Variants in GAS2 observed in about 807,000 individuals in gnomAD.
The protein encoded by GAS2 is growth arrest specific 2, also known as growth arrest-specific protein 2.
A neutral mutation model predicts 37.5 loss-of-function variants in GAS2; 20 were observed. That is an observed-to-expected ratio of 0.53 (90% CI 0.37 to 0.77). GAS2 has a LOEUF of 0.77. Ranked by LOEUF, GAS2 falls within the 30% of genes least tolerant of loss-of-function variation. GAS2 has a pLI of 0.00. For missense variants in GAS2, 336 were observed against 373.4 expected, an observed-to-expected ratio of 0.90 and a Z score of 0.82; for synonymous variants, 144 against 132.2, an observed-to-expected ratio of 1.09 and a Z score of -0.61.
At chr11:22,650,189 C>A (rs1300938602) in intron 1 of GAS2, among the ~76,000 whole-genome samples, 11 of 151,566 alleles carry the variant, frequency 7.3e-5, no homozygotes, top group Middle Eastern at 3.4e-3. Context: ...AGTAGTCATT[C>A]AGGAGCAGGT....
At chr11:22,644,156 T>G (rs1312895589) in intron 1 of GAS2, among the ~76,000 whole-genome samples, 3 of 152,178 alleles carry the variant, frequency 2.0e-5, no homozygotes, top group Admixed American at 2.0e-4. Flanking sequence ...ACTCTTTCAC[T>G]AAGTAGCAAT....
chr11:22,736,479 C>A (rs774305233), intron 4 of GAS2, among the ~76,000 whole-genome samples: 1 of 151,832 alleles, frequency 6.6e-6, no homozygotes, highest in African/African-American at 2.4e-5. Flanking sequence ...ACTTTATAAC[C>A]AAATAATAAT....
At chr11:22,655,045 C>T (rs1165532264) in intron 1 of GAS2, among the ~76,000 whole-genome samples, 1 of 152,160 alleles carries the variant, frequency 6.6e-6, no homozygotes, top group Non-Finnish European at 1.5e-5. Flanking sequence ...TCAAAACCAC[C>T]TTAAACCTGA....
At chr11:22,644,749 G>C (rs1848669487) in intron 1 of GAS2, among the ~76,000 whole-genome samples, 1 of 152,066 alleles carries the variant, frequency 6.6e-6, no homozygotes, top group South Asian at 2.1e-4. Context: ...ATCCTGCCAA[G>C]TATCTGGGAC....
At chr11:22,700,303 C>T (rs528859606) in intron 3 of GAS2, among the ~76,000 whole-genome samples, 4 of 152,196 alleles carry the variant, frequency 2.6e-5, no homozygotes, top group South Asian at 2.1e-4. Flanking sequence ...TACTGTTATC[C>T]GTGGGTTTTA....
intron 3 of GAS2, among the ~76,000 whole-genome samples, chr11:22,706,023 A>G (rs1851099604): frequency 6.6e-6 from 1 of 152,232 alleles, no homozygotes; most frequent in South Asian, 2.1e-4. Flanking sequence ...AGTAAAGGAA[A>G]GCAAGTATGT....
At chr11:22,691,715 G>T (rs1164889033) in intron 3 of GAS2, among the ~76,000 whole-genome samples, 1 of 152,136 alleles carries the variant, frequency 6.6e-6, no homozygotes, top group African/African-American at 2.4e-5. Context: ...GTATGTTGCT[G>T]CCTGAGACTA....
At chr11:22,770,552 A>C (rs1487856612) in intron 7 of GAS2, among the ~76,000 whole-genome samples, 1 of 152,232 alleles carries the variant, frequency 6.6e-6, no homozygotes, top group East Asian at 1.9e-4. Context: ...TTTCTCTTGT[A>C]GAATTGAGAC....
At chr11:22,665,792 C>T (rs544355620), upstream of GAS2, among the ~76,000 whole-genome samples, 3 of 152,228 alleles carry the variant, frequency 2.0e-5, no homozygotes, top group South Asian at 6.2e-4. Flanking sequence ...CTAAAATCAT[C>T]CACATCATTT....
chr11:22,663,706 A>G (rs531690400), upstream of GAS2, among the ~76,000 whole-genome samples: 181 of 152,264 alleles, frequency 1.2e-3, no homozygotes, highest in Non-Finnish European at 2.1e-3. Context: ...TCTTTGATTT[A>G]TCCTTGTAGT....
At chr11:22,707,956 G>T (rs1851205721) in intron 3 of GAS2, among the ~76,000 whole-genome samples, 1 of 152,134 alleles carries the variant, frequency 6.6e-6, no homozygotes, top group Non-Finnish European at 1.5e-5. Flanking sequence ...GAAGATCGTT[G>T]GGTAAAGTTT....
intron 7 of GAS2, among the ~76,000 whole-genome samples, chr11:22,761,870 A>G (rs1854412226): frequency 6.6e-6 from 1 of 152,114 alleles, no homozygotes; most frequent in Non-Finnish European, 1.5e-5. Context: ...CTAAATTTAC[A>G]CTTTTTACCA....
intron 2 of GAS2, among the ~76,000 whole-genome samples, chr11:22,685,232 G>T (rs1411117685): frequency 6.6e-6 from 1 of 152,134 alleles, no homozygotes; most frequent in Non-Finnish European, 1.5e-5. Flanking sequence ...AAAAATACTT[G>T]TCCTGCATTA....
chr11:22,807,748 G>A (rs1206868854), intron 7 of GAS2, among the ~76,000 whole-genome samples: 1 of 152,110 alleles, frequency 6.6e-6, no homozygotes, highest in Non-Finnish European at 1.5e-5. Flanking sequence ...TAAAATTAGG[G>A]GTTTATATAG....
intron 7 of GAS2, among the ~76,000 whole-genome samples, chr11:22,759,336 A>G (rs1854241717): frequency 6.6e-6 from 1 of 152,210 alleles, no homozygotes; most frequent in Non-Finnish European, 1.5e-5. Context: ...ACTTTTGTAG[A>G]CAGGCTTGTT....
chr11:22,744,541 C>CAAAAGCCAT (rs1853268713), intron 5 of GAS2, among the ~76,000 whole-genome samples: 1 of 151,928 alleles, frequency 6.6e-6, no homozygotes, highest in Admixed American at 6.6e-5. Context: ...GAATTAAAAA[C>CAAAAGCCAT]AAAAGCCATA....
chr11:22,707,224 G>A (rs542265943), intron 3 of GAS2, among the ~76,000 whole-genome samples: 23 of 152,060 alleles, frequency 1.5e-4, no homozygotes, highest in African/African-American at 4.3e-4. Context: ...GAAAGGCCAC[G>A]GAAGAGTAGG....
chr11:22,783,812 GT>G (rs1042232821), intron 7 of GAS2, among the ~76,000 whole-genome samples: 6 of 152,058 alleles, frequency 3.9e-5, no homozygotes, highest in Non-Finnish European at 7.4e-5. Flanking sequence ...CACCTTGGGT[GT>G]TTTTTTGTAT....
At chr11:22,686,323 A>G (rs1050654045) in intron 3 of GAS2, among the ~76,000 whole-genome samples, 1 of 152,138 alleles carries the variant, frequency 6.6e-6, no homozygotes, top group South Asian at 2.1e-4. Flanking sequence ...TAGTGATTAT[A>G]AACACTTGAT....
Sources: allele counts gnomAD v4.1 joint callset (sites outside exome capture counted in the v4.1 genomes callset), GRCh38; gene constraint gnomAD v4.1.1; transcripts MANE v1.5; gene names NCBI Gene and HGNC (gene_info 2026-07-23, HGNC 2026-07-21).